DNM2: variants seen among roughly 807,000 people sequenced by gnomAD.
DNM2 encodes the protein dynamin 2, also known as dynamin-2.
In DNM2, 15 loss-of-function variants were observed where a neutral mutation model predicts 99.0. The observed-to-expected ratio is 0.15, with a 90% CI of 0.10 to 0.23. The LOEUF (loss-of-function observed/expected upper bound fraction) is 0.23, where lower values mean the gene tolerates loss of function less well. DNM2 is among the 10% of genes least tolerant of loss of function. The probability of loss-of-function intolerance (pLI) is 1.00; values close to 1 mark genes in which losing one functional copy is unlikely to be tolerated. For missense variants in DNM2, 742 were observed against 1,189.4 expected (o/e 0.62, Z 5.53); for synonymous variants, 525 against 481.2 (o/e 1.09, Z -1.19).
chr19:10,756,680 G>C (rs1387704813), intron 1 of DNM2, among the ~76,000 whole-genome samples: 3 of 152,124 alleles, frequency 2.0e-5, no homozygotes, highest in African/African-American at 7.2e-5. Context: ...ACAGGATGCA[G>C]AGGCCAGGGC....
chr19:10,797,615 A>G, intron 10 of DNM2, 97 bp downstream of exon 10: 1 of 1,582,162 alleles, frequency 6.3e-7, no homozygotes, highest in Non-Finnish European at 8.7e-7. Flanking sequence ...CCTCGGCAGG[A>G]ACCCCCTTCC....
chr19:10,814,263 G>A (rs2072657756), intron 15 of DNM2, among the ~76,000 whole-genome samples: 1 of 151,916 alleles, frequency 6.6e-6, no homozygotes, highest in Non-Finnish European at 1.5e-5. Flanking sequence ...TCGGGAGTTC[G>A]AGACCAGCCT....
intron 1 of DNM2, among the ~76,000 whole-genome samples, chr19:10,744,347 G>A (rs991424292): frequency 3.9e-5 from 6 of 152,148 alleles, no homozygotes; most frequent in African/African-American, 1.4e-4. Flanking sequence ...CGAGAGATAC[G>A]CTGTGGGGGT....
At chr19:10,821,840 G>A (rs886766659) in intron 16 of DNM2, among the ~76,000 whole-genome samples, 5 of 151,948 alleles carry the variant, frequency 3.3e-5, no homozygotes, top group African/African-American at 4.8e-5. Context: ...CCAAAACCCC[G>A]ACTTCTACTT....
At chr19:10,729,417 T>C (rs1198473989) in intron 1 of DNM2, among the ~76,000 whole-genome samples, 1 of 151,870 alleles carries the variant, frequency 6.6e-6, no homozygotes, top group Non-Finnish European at 1.5e-5. Flanking sequence ...CTGTACTGCA[T>C]TGGGTGGGGG....
At chr19:10,798,008 C>T (rs550579009) in intron 10 of DNM2, among the ~76,000 whole-genome samples, 6 of 152,174 alleles carry the variant, frequency 3.9e-5, no homozygotes, top group East Asian at 1.9e-4. Context: ...GGGCATTTGG[C>T]GAGTGTGTGC....
intron 7 of DNM2, among the ~76,000 whole-genome samples, chr19:10,787,422 G>A (rs1295710235): frequency 6.6e-6 from 1 of 151,056 alleles, no homozygotes; most frequent in Non-Finnish European, 1.5e-5. Context: ...AGTGAGTCGA[G>A]ATTGCGCAAC....
At chr19:10,786,798 G>A (rs1812365777) in intron 7 of DNM2, 92 bp downstream of exon 7, 27 of 1,581,596 alleles carry the variant, frequency 1.7e-5, no homozygotes, top group South Asian at 1.0e-4. Flanking sequence ...CTCATCACTC[G>A]TCCACTCATT....
chr19:10,829,154 A>G lies in DNM2; in HGVS notation c.2177A>G (p.Tyr726Cys). The G allele has an allele frequency of 3.1e-6, 5 of 1,614,004 alleles. No individual in the cohort carries two copies. The highest frequency in any genetic ancestry group is 4.2e-6 in the Non-Finnish European group (5 of 1,180,036). The change falls in exon 19 of 21, where the codon TAC (tyrosine) becomes TGC (cysteine). Residue 726 changes from tyrosine (Y) to cysteine (C), a missense_variant. Physicochemically the swap from Tyr to Cys is radical, Grantham distance 194 (BLOSUM62 -2). This residue lies in a region of DNM2 where 187 missense variants were observed against 218.8 expected (regional missense o/e 0.85). Coordinates refer to ENST00000389253, the MANE Select transcript of DNM2 (RefSeq NM_001005361.3). ...CGGCGGGACGACATGCTGCGCATGT[A>G]CCATGCCCTCAAGGAGGCGCTCAAC... ...AQRRDDMLRM[Y>C]HALKEALNII...
rs545487640 is a variant in DNM2, at chr19:10,784,901, C to T, written c.850-1663C>T. Reference sequence around the variant, plus strand: ...TGCAGTGGCATGATCTCAGCTCACTCCAGCCTCCACCTCCCAGGTTCAAGT... The same window carrying T: ...TGCAGTGGCATGATCTCAGCTCACTTCAGCCTCCACCTCCCAGGTTCAAGT... On this transcript the variant is annotated intron_variant, in intron 6 of 20. Coordinates refer to ENST00000389253, the MANE Select transcript of DNM2 (RefSeq NM_001005361.3). Among the ~76,000 whole-genome samples, 8 of 142,054 alleles carry T rather than the reference C, an allele frequency of 5.6e-5. No individual in the cohort carries two copies. In the South Asian group the frequency reaches 1.3e-3, roughly 24 times the overall value. The allele number at this position is 142,054 out of a possible 152,430, so 93.2% of individuals were successfully genotyped here.
intron 5 of DNM2, among the ~76,000 whole-genome samples, chr19:10,777,489 C>T (rs1042755075): frequency 6.6e-6 from 1 of 152,112 alleles, no homozygotes; most frequent in Admixed American, 6.6e-5. Context: ...CCACACTTCC[C>T]CCAGACAGCC....
At chr19:10,827,768 C>T (rs2073191495) in intron 18 of DNM2, among the ~76,000 whole-genome samples, 1 of 151,674 alleles carries the variant, frequency 6.6e-6, no homozygotes, top group Non-Finnish European at 1.5e-5. Context: ...ACTCTGGAGG[C>T]TGAGGCAGGA....
intron 13 of DNM2, among the ~76,000 whole-genome samples, chr19:10,807,688 A>G (rs1295759957): frequency 2.0e-5 from 3 of 147,652 alleles, no homozygotes; most frequent in Non-Finnish European, 4.5e-5. Flanking sequence ...AGCGACGATT[A>G]CAGGAGCCTG....
intron 2 of DNM2, among the ~76,000 whole-genome samples, chr19:10,770,430 C>T (rs1054296299): frequency 1.3e-5 from 2 of 152,160 alleles, no homozygotes; most frequent in Admixed American, 6.6e-5. Context: ...CTTTTTGAGA[C>T]AGTGTCTTGC....
rs369179381 is a variant in DNM2 at position 10,740,852 on chromosome 19, T to C, written c.162-18886T>C. 5.9e-5 allele frequency among the ~76,000 whole-genome samples: 9 copies of C among 152,352 alleles called. No individual in the cohort carries two copies. The East Asian group carries it at 1.2e-3, about 20-fold the overall frequency. ...ATACATAGGTTATTTAGCAGTATGTTCATTTCTATATATTTGAGAATTTCT... is the reference window on the plus strand; with the variant it reads ...ATACATAGGTTATTTAGCAGTATGTCCATTTCTATATATTTGAGAATTTCT... On this transcript the variant is annotated intron_variant, in intron 1 of 20. Coordinates refer to ENST00000389253, the MANE Select transcript of DNM2 (RefSeq NM_001005361.3).
rs1438319000 is a variant in DNM2 at position 10,820,595 on chromosome 19, G to A, written c.1781+506G>A. On this transcript the variant is annotated intron_variant, in intron 16 of 20. Transcript: ENST00000389253. This position sits in a 1 kb window ranked among gnomAD's most constrained non-coding sequence, Gnocchi z 4.3. ...ATTGTGACCCTGAGTACGTGGGCCT[G>A]AGCTCCTGCACTGCCCAGCTGCTGC... Among the ~76,000 whole-genome samples the A allele has an allele frequency of 6.6e-6, 1 of 152,232 alleles. No individual in the cohort carries two copies.
intron 4 of DNM2, among the ~76,000 whole-genome samples, chr19:10,776,665 G>T (rs943489274): frequency 8.5e-5 from 13 of 152,222 alleles, no homozygotes. Flanking sequence ...GGTGGAATTG[G>T]ATGGGATGGT....
intron 7 of DNM2, among the ~76,000 whole-genome samples, chr19:10,787,361 C>T (rs1473761045): frequency 2.0e-5 from 3 of 151,758 alleles, no homozygotes; most frequent in Non-Finnish European, 2.9e-5. Context: ...GTCCCAGCTA[C>T]TTGGGAGGCT....
chr19:10,793,365 G>A (rs1346941271), intron 7 of DNM2, among the ~76,000 whole-genome samples: 2 of 152,184 alleles, frequency 1.3e-5, no homozygotes, highest in African/African-American at 4.8e-5. Flanking sequence ...GAATTGTGGG[G>A]AAGTGGCTAC....
Sources: allele counts gnomAD v4.1 joint callset (sites outside exome capture counted in the v4.1 genomes callset), GRCh38; gene constraint gnomAD v4.1.1; regional missense constraint gnomAD v4.1.1; non-coding constraint Gnocchi (gnomAD v3.1); transcripts MANE v1.5; gene names NCBI Gene and HGNC (gene_info 2026-07-23, HGNC 2026-07-21).